Variants in ZCWPW2 observed in about 807,000 individuals in gnomAD.
ZCWPW2 encodes zinc finger CW-type PWWP domain protein 2.
A neutral mutation model predicts 46.6 loss-of-function variants in ZCWPW2; 45 were observed. That is an observed-to-expected ratio of 0.96 (90% CI 0.76 to 1.24). The LOEUF is 1.24. Ranked by LOEUF, ZCWPW2 falls within the 50% of genes most tolerant of loss-of-function variation. ZCWPW2 has a pLI of 0.00. For missense variants in ZCWPW2, 429 were observed against 403.9 expected, an observed-to-expected ratio of 1.06 and a Z score of -0.53; for synonymous variants, 152 against 137.1, an observed-to-expected ratio of 1.11 and a Z score of -0.76.
intron 1 of ZCWPW2, among the ~76,000 whole-genome samples, chr3:28,371,669 CAAAT>C (rs1705338871): frequency 6.6e-6 from 1 of 151,828 alleles, no homozygotes; most frequent in African/African-American, 2.4e-5. Context: ...AGCAAACCAA[CAAAT>C]AAATAAATAA....
At chr3:28,394,345 C>A (rs979083625) in intron 2 of ZCWPW2, among the ~76,000 whole-genome samples, 4 of 151,916 alleles carry the variant, frequency 2.6e-5, no homozygotes, top group African/African-American at 7.3e-5. Flanking sequence ...ACTTATGATC[C>A]AAAACAATCT....
At chr3:28,471,914 G>T (rs981182888) in intron 4 of ZCWPW2, among the ~76,000 whole-genome samples, 2 of 151,896 alleles carry the variant, frequency 1.3e-5, no homozygotes, top group Non-Finnish European at 2.9e-5. Flanking sequence ...AACATCAGTG[G>T]GATATTTATA....
At chr3:28,491,218 G>A (rs1699801648) in intron 5 of ZCWPW2, among the ~76,000 whole-genome samples, 2 of 151,854 alleles carry the variant, frequency 1.3e-5, no homozygotes, top group South Asian at 2.1e-4. Flanking sequence ...CCAGAAAGAG[G>A]GATCATCTTA....
chr3:28,361,044 G>T (rs957839180), intron 1 of ZCWPW2, among the ~76,000 whole-genome samples: 1 of 152,010 alleles, frequency 6.6e-6, no homozygotes, highest in Non-Finnish European at 1.5e-5. Context: ...GTTTAGGCTT[G>T]GGTCCCATCC....
intron 2 of ZCWPW2, among the ~76,000 whole-genome samples, chr3:28,405,465 A>G (rs1171091387): frequency 6.6e-6 from 1 of 151,916 alleles, no homozygotes; most frequent in Non-Finnish European, 1.5e-5. Flanking sequence ...CTGTAAACAG[A>G]GGTTTTTGTT....
intron 2 of ZCWPW2, 73 bp from the exon 3 acceptor site, chr3:28,412,983 T>A: frequency 8.2e-7 from 1 of 1,224,194 alleles, no homozygotes; most frequent in Non-Finnish European, 1.1e-6. Flanking sequence ...ATTTCTCTGA[T>A]TTTTGGTTTG....
chr3:28,478,116 TGTATGTA>T (rs1559521297), intron 4 of ZCWPW2, among the ~76,000 whole-genome samples: 1 of 152,236 alleles, frequency 6.6e-6, no homozygotes, highest in African/African-American at 2.4e-5. Context: ...AACCTTATGA[TGTATGTA>T]GTGTTATCAT....
chr3:28,411,478 A>T (rs1696396625), intron 2 of ZCWPW2, among the ~76,000 whole-genome samples: 1 of 151,984 alleles, frequency 6.6e-6, no homozygotes, highest in South Asian at 2.1e-4. Flanking sequence ...AAAAAAAAAA[A>T]TCTACTATCA....
intron 4 of ZCWPW2, among the ~76,000 whole-genome samples, chr3:28,446,519 G>T (rs546144737): frequency 9.1e-4 from 138 of 151,866 alleles, no homozygotes; most frequent in Non-Finnish European, 1.6e-3. Context: ...AGTATGCAAT[G>T]AAAGCAGTAC....
chr3:28,370,821 C>T (rs1009830155), intron 1 of ZCWPW2, among the ~76,000 whole-genome samples: 1 of 152,168 alleles, frequency 6.6e-6, no homozygotes, highest in Non-Finnish European at 1.5e-5. Context: ...CAACCTCCAC[C>T]TCTCCGATTC....
intron 5 of ZCWPW2, among the ~76,000 whole-genome samples, chr3:28,488,293 A>C (rs993101571): frequency 3.3e-5 from 5 of 152,130 alleles, no homozygotes; most frequent in Non-Finnish European, 7.4e-5. Context: ...CTTTTTCTCC[A>C]AATTTGGGGA....
At chr3:28,359,704 C>T (rs1239646254) in intron 1 of ZCWPW2, among the ~76,000 whole-genome samples, 1 of 152,054 alleles carries the variant, frequency 6.6e-6, no homozygotes, top group African/African-American at 2.4e-5. Flanking sequence ...ATAGCGCAAT[C>T]AGGAAATCAT....
chr3:28,414,498 G>T (rs183563270), intron 3 of ZCWPW2, among the ~76,000 whole-genome samples: 1 of 151,476 alleles, frequency 6.6e-6, no homozygotes, highest in Non-Finnish European at 1.5e-5. Flanking sequence ...GGGTACATGT[G>T]CACAACGTGC....
chr3:28,459,209 A>C (rs1034990478), intron 4 of ZCWPW2, among the ~76,000 whole-genome samples: 1 of 151,992 alleles, frequency 6.6e-6, no homozygotes, highest in Non-Finnish European at 1.5e-5. Context: ...TCTCCACTAA[A>C]AATACAAAAA....
intron 4 of ZCWPW2, among the ~76,000 whole-genome samples, chr3:28,436,581 A>G (rs151218237): frequency 2.6e-5 from 4 of 152,272 alleles, no homozygotes; most frequent in South Asian, 2.1e-4. Flanking sequence ...GGTTTTTACT[A>G]TATCTTTGGC....
chr3:28,502,462 T>C (rs1447358120), intron 6 of ZCWPW2, among the ~76,000 whole-genome samples: 2 of 152,146 alleles, frequency 1.3e-5, no homozygotes, highest in African/African-American at 4.8e-5. Context: ...CATGGATCTG[T>C]CTTCAGCCAA....
chr3:28,451,864 A>C (rs1698238346), intron 4 of ZCWPW2, among the ~76,000 whole-genome samples: 2 of 152,194 alleles, frequency 1.3e-5, no homozygotes, highest in Admixed American at 6.5e-5. Flanking sequence ...AAAACTAAAA[A>C]ACTCTTGCAC....
chr3:28,482,562 A>G (rs1419586225), intron 5 of ZCWPW2, among the ~76,000 whole-genome samples: 1 of 152,200 alleles, frequency 6.6e-6, no homozygotes, highest in Non-Finnish European at 1.5e-5. Flanking sequence ...TCAAATTTTA[A>G]AGAAACTACC....
At chr3:28,401,841 A>C (rs1695951912) in intron 2 of ZCWPW2, among the ~76,000 whole-genome samples, 1 of 152,114 alleles carries the variant, frequency 6.6e-6, no homozygotes, top group Non-Finnish European at 1.5e-5. Context: ...CAAAAATGAA[A>C]TCAAGATGGA....
Sources: gnomAD v4.1 joint callset for allele counts (sites outside exome capture counted in the v4.1 genomes callset) on GRCh38, gnomAD v4.1.1 for gene constraint, MANE v1.5 for transcripts, NCBI Gene and HGNC (gene_info 2026-07-23, HGNC 2026-07-21) for gene names.